The following YARS1 variants were observed in gnomAD, a reference collection of about 807,000 sequenced individuals.
The protein encoded by YARS1 is tyrosyl-tRNA synthetase 1.
A neutral mutation model predicts 62.2 loss-of-function variants in YARS1; 36 were observed. The ratio of observed to expected loss-of-function variants is 0.58; its 90% CI spans 0.44 to 0.76. YARS1 has a LOEUF of 0.76. Among genes scored for constraint, YARS1 ranks in the 30% least tolerant of loss-of-function variants. The pLI is 0.00. For synonymous variants in YARS1, 234 were observed against 244.9 expected (o/e 0.96, Z 0.42); for missense variants, 524 against 639.8 (o/e 0.82, Z 1.95).
chr1:32,797,394 A>C (rs532664192), intron 5 of YARS1, among the ~76,000 whole-genome samples: 1 of 152,230 alleles, frequency 6.6e-6, no homozygotes, highest in South Asian at 2.1e-4. Context: ...AGAAAAAGAA[A>C]AAGATGCTGG....
In YARS1 at chr1:32,810,770, G is replaced by C; in HGVS notation, c.205-4C>G. The C allele has an allele frequency of 1.2e-6, 2 of 1,614,122 alleles. No individual in the cohort carries two copies. The highest frequency in any genetic ancestry group is 1.7e-6 in the Non-Finnish European group (2 of 1,180,022). On this transcript the variant is annotated splice_polypyrimidine_tract_variant and splice_region_variant and intron_variant, in intron 2 of 12. Transcript: ENST00000373477. ...GGTCCGCAAACAGAATTGTTACCTGGACAAGAGATAAGGGGCCACCAAAAT... is the reference window on the plus strand; with the variant it reads ...GGTCCGCAAACAGAATTGTTACCTGCACAAGAGATAAGGGGCCACCAAAAT...
At position 32,791,154 on chromosome 1, in the gene YARS1, C is replaced by T. The variant is rs773373797; in HGVS notation, c.684+8G>A. On this transcript the variant is annotated splice_region_variant and intron_variant, in intron 6 of 12. Transcript: ENST00000373477. ...ATTTCTAAATTCAAGTCTCAGCTGG[C>T]AACTTACCTCTTCTGAAGAGCTCAT... 6.2e-7 allele frequency: 1 copy of T among 1,613,024 alleles called. No individual in the cohort carries two copies. Among genetic ancestry groups the T allele is most frequent in the Non-Finnish European group, 8.5e-7 (1 of 1,179,050 alleles).
intron 11 of YARS1, chr1:32,779,746 G>T: frequency 1.6e-6 from 1 of 636,224 alleles, no homozygotes; most frequent in East Asian, 2.8e-5. Context: ...ACCAAAATCT[G>T]TGTTTCTAGG....
chr1:32,817,236 G>A lies in YARS1; in HGVS notation c.9C>T (p.Asp3=), dbSNP rs2148621071. Residue 3 remains aspartate, a synonymous_variant, in exon 1 of 13, where the codon GAC becomes GAT. Transcript: ENST00000373477. MG[D]APSPEEKLHL... is the part of the protein sequence containing the mutation. ...GCAGTTTCTCTTCAGGGCTGGGAGC[G>A]TCCCCCATGGCTCCGCTACCCCTGC... is the stretch of plus-strand genomic sequence containing the variant. 6.2e-7 allele frequency: 1 copy of A among 1,614,080 alleles called. No homozygotes were observed. The highest frequency in any genetic ancestry group is 8.5e-7 in the Non-Finnish European group (1 of 1,180,032).
intron 3 of YARS1, among the ~76,000 whole-genome samples, chr1:32,809,472 G>A (rs1638533532): frequency 6.6e-6 from 1 of 151,998 alleles, no homozygotes; most frequent in Non-Finnish European, 1.5e-5. Flanking sequence ...TTGGCCTCAA[G>A]CAATTCTCCC....
chr1:32,812,488 A>G (rs1238257523), intron 1 of YARS1, among the ~76,000 whole-genome samples: 1 of 152,210 alleles, frequency 6.6e-6, no homozygotes, highest in Non-Finnish European at 1.5e-5. Flanking sequence ...CCCAAAAGAT[A>G]TTTCTTTGAC....
At chr1:32,785,773 G>T (rs1653205266) in intron 8 of YARS1, among the ~76,000 whole-genome samples, 1 of 151,738 alleles carries the variant, frequency 6.6e-6, no homozygotes, top group South Asian at 2.1e-4. Context: ...TAATAGAGAT[G>T]GGGTTTCTCC....
At chr1:32,777,207 TTAG>T (rs1420033439) in intron 12 of YARS1, among the ~76,000 whole-genome samples, 1 of 151,908 alleles carries the variant, frequency 6.6e-6, no homozygotes, top group Non-Finnish European at 1.5e-5. Flanking sequence ...TTTTGTATTT[TTAG>T]TAGAGACGGG....
At chr1:32,797,536 A>G in intron 5 of YARS1, 2 of 575,600 alleles carry the variant, frequency 3.5e-6, no homozygotes, top group Non-Finnish European at 6.2e-6. Context: ...CACCAGGCAC[A>G]TGGGCTCTGG....
rs1276902575 is a variant in YARS1, at chr1:32,775,922, A to G, written c.*59T>C. 7 of 1,418,794 alleles carry G rather than the reference A, an allele frequency of 4.9e-6. No individual in the cohort carries two copies. In the East Asian group the frequency reaches 1.6e-4, roughly 32 times the overall value. The allele number at this position is 1,418,794 out of a possible 1,614,324, so 87.9% of individuals were successfully genotyped here. A position where few individuals can be genotyped will look rare whatever the true frequency, so the allele number is the denominator to read the frequency against. On this transcript the variant is annotated 3_prime_UTR_variant, in exon 13 of 13. Coordinates refer to ENST00000373477, the MANE Select transcript of YARS1 (RefSeq NM_003680.4). ...TGGGTAAATGGGTGATGGATGGAGC[A>G]GACTGAAGAGACAGCAGATGACTCA...
Position 32,776,750 on chromosome 1 carries a change from A to T in YARS1, c.1477-659T>A, listed in dbSNP as rs548721867. Among the ~76,000 whole-genome samples the T allele has an allele frequency of 6.6e-6, 1 of 152,138 alleles. No homozygotes were observed. Among genetic ancestry groups the T allele is most frequent in the East Asian group, 2.0e-4 (1 of 5,074 alleles). On this transcript the variant is annotated intron_variant, in intron 12 of 12. Transcript: ENST00000373477. The surrounding 1 kb of genome is among the most constrained non-coding windows in gnomAD (Gnocchi z 4.0). ...GGGAGGCCGAGGTGGGCGGATCACG[A>T]GGTCAGGAGATTGAGACCATCCTGG...
intron 1 of YARS1, 34 bp downstream of exon 1, chr1:32,817,154 C>G (rs781047642): frequency 6.2e-7 from 1 of 1,613,524 alleles, no homozygotes; most frequent in Admixed American, 1.7e-5. Flanking sequence ...GGCTCCTAAT[C>G]CCCAACGGCG....
At chr1:32,778,544 C>A (rs908158770) in intron 12 of YARS1, among the ~76,000 whole-genome samples, 1 of 151,168 alleles carries the variant, frequency 6.6e-6, no homozygotes, top group Non-Finnish European at 1.5e-5. Flanking sequence ...GTAGCTGGGA[C>A]TACAGGTGTC....
Position 32,796,996 on chromosome 1 carries a change from ATATATATATATATATATATATATATAT to A in YARS1, c.591+740_591+766del, listed in dbSNP as rs1200220530. 5.6e-3 allele frequency among the ~76,000 whole-genome samples: 12 copies of A among 2,152 alleles called. 2 individuals are homozygous for A. The highest frequency in any genetic ancestry group is 8.2e-3 in the Admixed American group (1 of 122). 1.4% of individuals were successfully genotyped at this position (2,152 alleles called of 152,430 possible). A position where few individuals can be genotyped will look rare whatever the true frequency, so the allele number is the denominator to read the frequency against. On this transcript the variant is annotated intron_variant, in intron 5 of 12. Coordinates refer to ENST00000373477, the MANE Select transcript of YARS1 (RefSeq NM_003680.4). ...AAAAAAAAAAAAAAAAAAAAAAAAAATATATATATATATATATATATATATATATATATATATATATATATATATATA... is the reference window on the plus strand; with the variant it reads ...AAAAAAAAAAAAAAAAAAAAAAAAAAATATATATATATATATATATATATA...
intron 5 of YARS1, among the ~76,000 whole-genome samples, chr1:32,792,071 G>A (rs1653428426): frequency 6.6e-6 from 1 of 152,140 alleles, no homozygotes; most frequent in African/African-American, 2.4e-5. Context: ...CTGATTTCTT[G>A]GCTGACTCAT....
chr1:32,785,681 C>A (rs1413368714), intron 8 of YARS1, among the ~76,000 whole-genome samples: 1 of 151,682 alleles, frequency 6.6e-6, no homozygotes, highest in East Asian at 2.0e-4. Context: ...CTCCCAGGTT[C>A]AAGCGAATCC....
At chr1:32,808,152 C>G (rs1241398470) in intron 3 of YARS1, among the ~76,000 whole-genome samples, 1 of 152,046 alleles carries the variant, frequency 6.6e-6, no homozygotes, top group Admixed American at 6.6e-5. Context: ...GATTCTCCTG[C>G]CTTGGCCTCC....
chr1:32,785,576 C>A (rs567561111), intron 8 of YARS1, among the ~76,000 whole-genome samples: 1 of 151,524 alleles, frequency 6.6e-6, no homozygotes, highest in African/African-American at 2.4e-5. Context: ...TTTTTCTTTT[C>A]TTTTCCTTTC....
chr1:32,813,464 G>A (rs1008240525), intron 1 of YARS1, among the ~76,000 whole-genome samples: 5 of 151,876 alleles, frequency 3.3e-5, no homozygotes, highest in Admixed American at 1.3e-4. Context: ...GATTACAGGC[G>A]TCCAACACCA....
Sources: gnomAD v4.1 joint callset for allele counts (sites outside exome capture counted in the v4.1 genomes callset) on GRCh38, gnomAD v4.1.1 for gene constraint, Gnocchi (gnomAD v3.1) non-coding constraint, MANE v1.5 for transcripts, NCBI Gene and HGNC (gene_info 2026-07-23, HGNC 2026-07-21) for gene names.